The following ANKRD33B variants were observed in gnomAD, a reference collection of about 807,000 sequenced individuals.
ANKRD33B encodes the protein ankyrin repeat domain 33B, also known as ankyrin repeat domain-containing protein 33B.
A neutral mutation model predicts 21.5 loss-of-function variants in ANKRD33B; 6 were observed. The observed-to-expected ratio is 0.28, with a 90% CI of 0.15 to 0.55. The LOEUF is 0.55. Among genes scored for constraint, ANKRD33B ranks in the 20% least tolerant of loss-of-function variants. The pLI, the probability that ANKRD33B is intolerant of heterozygous loss-of-function variation, is 0.94. For synonymous variants in ANKRD33B, 347 were observed against 342.4 expected, an observed-to-expected ratio of 1.01 and a Z score of -0.15; for missense variants, 698 against 747.2, an observed-to-expected ratio of 0.93 and a Z score of 0.77.
At position 10,606,501 on chromosome 5, in the gene ANKRD33B, C is replaced by T. The variant is rs543506956; in HGVS notation, c.367-11832C>T. ...CTGTAATCCCAGCACTTTGGGAGGC[C>T]AAGGTGGGCGGATCACAAGGTCAAG... On this transcript the variant is annotated intron_variant, in intron 1 of 3. Transcript: ENST00000296657. Among the ~76,000 whole-genome samples the T allele has an allele frequency of 2.0e-4, 30 of 152,214 alleles. No individual in the cohort carries two copies. The East Asian group carries it at 5.8e-3, about 30-fold the overall frequency.
At chr5:10,624,130 CTTTTTTTTTT>C (rs60575071) in intron 2 of ANKRD33B, among the ~76,000 whole-genome samples, 2 of 134,314 alleles carry the variant, frequency 1.5e-5, no homozygotes, top group Non-Finnish European at 3.2e-5. Context: ...TCTTTCTTTT[CTTTTTTTTTT>C]TTTTTTTGAG....
rs75058251 is a variant in ANKRD33B at position 10,576,352 on chromosome 5, C to T, written c.366+11519C>T. ...GTTCATGGGCCAGCAGCGTTGGCAT[C>T]GCCTGGGAGCTTCTACCAAATGCAG... On this transcript the variant is annotated intron_variant, in intron 1 of 3. Transcript: ENST00000296657. The surrounding 1 kb of genome is among the most constrained non-coding windows in gnomAD (Gnocchi z 4.1). Among the ~76,000 whole-genome samples the T allele has an allele frequency of 8.3e-3, 1,270 of 152,212 alleles. 21 individuals carry two copies. Among genetic ancestry groups the T allele is most frequent in the African/African-American group, 0.029 (1,188 of 41,516 alleles).
chr5:10,603,555 G>T (rs1415184454), intron 1 of ANKRD33B, among the ~76,000 whole-genome samples: 1 of 152,112 alleles, frequency 6.6e-6, no homozygotes, highest in African/African-American at 2.4e-5. Flanking sequence ...GAGCCACTGT[G>T]CCCAGCCCCA....
At position 10,656,196 on chromosome 5, in the gene ANKRD33B, A is replaced by G. The variant is rs1189334117; in HGVS notation, c.*6083A>G. The G allele has an allele frequency of 2.6e-5, 4 of 152,330 alleles. No individual in the cohort carries two copies. The highest frequency in any genetic ancestry group is 4.4e-5 in the Non-Finnish European group (3 of 68,040). The allele number at this position is 152,330 out of a possible 1,614,324, so 9.4% of individuals were successfully genotyped here. A position where few individuals can be genotyped will look rare whatever the true frequency, so the allele number is the denominator to read the frequency against. On this transcript the variant is annotated 3_prime_UTR_variant, in exon 4 of 4. Coordinates refer to ENST00000296657, the MANE Select transcript of ANKRD33B (RefSeq NM_001164440.2). Reference sequence around the variant, plus strand: ...ATTAACATTTTAAATAAGTGGCTAAAAAAACTCCTCTGGAGGTTGTTTTTG... The same window carrying G: ...ATTAACATTTTAAATAAGTGGCTAAGAAAACTCCTCTGGAGGTTGTTTTTG...
chr5:10,626,042 A>G (rs1344815980), intron 2 of ANKRD33B, among the ~76,000 whole-genome samples: 1 of 152,184 alleles, frequency 6.6e-6, no homozygotes, highest in African/African-American at 2.4e-5. Flanking sequence ...GCCTCGGCCT[A>G]GAACCCGAGT....
chr5:10,611,656 A>G (rs1736175154), intron 1 of ANKRD33B, among the ~76,000 whole-genome samples: 1 of 152,168 alleles, frequency 6.6e-6, no homozygotes. Flanking sequence ...ACCCCTCTGC[A>G]CTAGACCTGG....
intron 1 of ANKRD33B, among the ~76,000 whole-genome samples, chr5:10,565,325 C>T (rs1226840587): frequency 6.6e-6 from 1 of 152,236 alleles, no homozygotes; most frequent in Non-Finnish European, 1.5e-5. Flanking sequence ...CACGCTGGGG[C>T]GCAGATCGGC....
At chr5:10,604,614 A>C (rs6885056) in intron 1 of ANKRD33B, among the ~76,000 whole-genome samples, 136,033 of 151,860 alleles carry the variant, frequency 0.9, 60,922 homozygotes, top group East Asian at 0.94. Flanking sequence ...TGAGTTGCAG[A>C]ATTAATTATA....
At position 10,651,928 on chromosome 5, in the gene ANKRD33B, AG is replaced by A. The variant is rs1737365695; in HGVS notation, c.*1818del. 1 of 152,402 alleles carries A rather than the reference AG, an allele frequency of 6.6e-6. No individual in the cohort carries two copies. The highest frequency in any genetic ancestry group is 6.5e-5 in the Admixed American group (1 of 15,288). 9.4% of individuals were successfully genotyped at this position (152,402 alleles called of 1,614,324 possible). ...CAGTGAGTTCCTCCTTAATCCCAGAAGGGCACCATGATGAATGCCACAGGAG... is the reference window on the plus strand; with the variant it reads ...CAGTGAGTTCCTCCTTAATCCCAGAAGGCACCATGATGAATGCCACAGGAG... On this transcript the variant is annotated 3_prime_UTR_variant, in exon 4 of 4. Transcript: ENST00000296657.
At chr5:10,612,467 A>C (rs1299616148) in intron 1 of ANKRD33B, among the ~76,000 whole-genome samples, 1 of 152,170 alleles carries the variant, frequency 6.6e-6, no homozygotes, top group Non-Finnish European at 1.5e-5. Flanking sequence ...TAATACCATC[A>C]CCGTGAGGGT....
At chr5:10,568,197 T>G (rs1323458301) in intron 1 of ANKRD33B, among the ~76,000 whole-genome samples, 2 of 152,280 alleles carry the variant, frequency 1.3e-5, no homozygotes, top group African/African-American at 4.8e-5. Flanking sequence ...TGATTTAATA[T>G]GCAACATGTA....
chr5:10,591,339 C>T (rs1174392418), intron 1 of ANKRD33B, among the ~76,000 whole-genome samples: 3 of 151,832 alleles, frequency 2.0e-5, no homozygotes, highest in East Asian at 1.9e-4. Context: ...ACAACAGGTG[C>T]GTGCCACCAT....
intron 2 of ANKRD33B, among the ~76,000 whole-genome samples, chr5:10,624,136 T>C (rs1224134375): frequency 6.7e-6 from 1 of 149,404 alleles, no homozygotes; most frequent in Non-Finnish European, 1.5e-5. Flanking sequence ...TTTTCTTTTT[T>C]TTTTTTTTTT....
intron 2 of ANKRD33B, among the ~76,000 whole-genome samples, chr5:10,629,333 A>G (rs187438772): frequency 1.3e-3 from 193 of 152,264 alleles, no homozygotes; most frequent in African/African-American, 4.5e-3. Context: ...CATGCTGCCT[A>G]TGCTGGTCTC....
intron 1 of ANKRD33B, among the ~76,000 whole-genome samples, chr5:10,572,420 T>C (rs1735219797): frequency 6.6e-6 from 1 of 152,120 alleles, no homozygotes; most frequent in Non-Finnish European, 1.5e-5. Context: ...CAATGGAGCC[T>C]TTGAGAAGCC....
intron 2 of ANKRD33B, among the ~76,000 whole-genome samples, chr5:10,630,826 T>G (rs1438260595): frequency 6.8e-6 from 1 of 147,494 alleles, no homozygotes; most frequent in Non-Finnish European, 1.5e-5. Context: ...TGAGCCAAGG[T>G]CGCGCCACTG....
At chr5:10,608,766 TA>T (rs1328246975) in intron 1 of ANKRD33B, among the ~76,000 whole-genome samples, 2 of 151,956 alleles carry the variant, frequency 1.3e-5, no homozygotes, top group Non-Finnish European at 2.9e-5. Context: ...AGCATTCCTA[TA>T]AAGGAAAAGA....
chr5:10,594,503 C>A (rs977684476), intron 1 of ANKRD33B, among the ~76,000 whole-genome samples: 3 of 152,144 alleles, frequency 2.0e-5, no homozygotes, highest in Non-Finnish European at 4.4e-5. Context: ...CAGGTGTGAA[C>A]CACCACGCCC....
chr5:10,598,324 T>G (rs1312622452), intron 1 of ANKRD33B, among the ~76,000 whole-genome samples: 1 of 152,192 alleles, frequency 6.6e-6, no homozygotes, highest in Non-Finnish European at 1.5e-5. Flanking sequence ...TGCAGTGCAA[T>G]GGCACAATCT....
Sources: allele counts gnomAD v4.1 joint callset (sites outside exome capture counted in the v4.1 genomes callset), GRCh38; gene constraint gnomAD v4.1.1; non-coding constraint Gnocchi (gnomAD v3.1); transcripts MANE v1.5; gene names NCBI Gene and HGNC (gene_info 2026-07-23, HGNC 2026-07-21).